Variants in TNR observed in about 807,000 individuals in gnomAD.
The protein encoded by TNR is tenascin-R.
In TNR, 45 loss-of-function variants were observed where a neutral mutation model predicts 150.4. The ratio of observed to expected loss-of-function variants is 0.30; its 90% CI spans 0.24 to 0.38. The LOEUF is 0.38. Among genes scored for constraint, TNR ranks in the 10% least tolerant of loss-of-function variants. TNR has a pLI of 1.00. For missense variants in TNR, 1,544 were observed against 1,759.1 expected, an observed-to-expected ratio of 0.88 and a Z score of 2.19; for synonymous variants, 687 against 678.4, an observed-to-expected ratio of 1.01 and a Z score of -0.20.
chr1:175,699,560 G>A (rs369788525), intron 1 of TNR, among the ~76,000 whole-genome samples: 18 of 152,114 alleles, frequency 1.2e-4, no homozygotes, highest in East Asian at 7.7e-4. Flanking sequence ...GGCTAAGCAG[G>A]CTAAGGAGGG....
At chr1:175,383,672 G>A (rs1350667828) in intron 8 of TNR, among the ~76,000 whole-genome samples, 1 of 152,206 alleles carries the variant, frequency 6.6e-6, no homozygotes, top group Non-Finnish European at 1.5e-5. Context: ...CCTAGTGTCG[G>A]AGCCATCACC....
At chr1:175,625,733 G>C (rs949448512) in intron 1 of TNR, among the ~76,000 whole-genome samples, 1 of 152,218 alleles carries the variant, frequency 6.6e-6, no homozygotes, top group Non-Finnish European at 1.5e-5. Context: ...AGAGCAGACG[G>C]GACTGAGACT....
rs763599924 is a variant in TNR, at chr1:175,403,348, G to A, written c.768C>T (p.Tyr256=). The change falls in exon 4 of 23, where the codon TAC becomes TAT. Residue 256 remains tyrosine (Y), a synonymous_variant. Transcript: ENST00000367674. ...VDGECVCEEP[Y]TGEDCRELRC... is the part of the protein sequence containing the mutation. ...TCAGTTCCCTGCAGTCCTCGCCAGT[G>A]TAGGGCTCTTCACAGACACACTCCC... 9.9e-6 allele frequency: 16 copies of A among 1,614,178 alleles called. No individual in the cohort carries two copies. The South Asian group carries it at 1.6e-4, about 17-fold the overall frequency.
intron 21 of TNR, among the ~76,000 whole-genome samples, chr1:175,325,688 A>G (rs1384145677): frequency 6.6e-6 from 1 of 152,264 alleles, no homozygotes; most frequent in Non-Finnish European, 1.5e-5. Context: ...CTATGCAGCC[A>G]TAAAAAAGAA....
chr1:175,655,593 A>G (rs1665148480), intron 1 of TNR, among the ~76,000 whole-genome samples: 1 of 152,240 alleles, frequency 6.6e-6, no homozygotes, highest in Non-Finnish European at 1.5e-5. Flanking sequence ...TGGTGGTCAC[A>G]GTTCCTCTCG....
chr1:175,664,458 G>T (rs1341029354), intron 1 of TNR, among the ~76,000 whole-genome samples: 4 of 152,308 alleles, frequency 2.6e-5, no homozygotes, highest in African/African-American at 9.6e-5. Context: ...CTGATAGCTG[G>T]TTGAAACCTT....
intron 1 of TNR, among the ~76,000 whole-genome samples, chr1:175,570,994 T>C (rs1050403396): frequency 1.3e-5 from 2 of 152,174 alleles, no homozygotes; most frequent in Non-Finnish European, 2.9e-5. Flanking sequence ...TTGATGTCAT[T>C]TACTGTCTTC....
At chr1:175,591,278 C>A (rs1334655543) in intron 1 of TNR, among the ~76,000 whole-genome samples, 3 of 152,174 alleles carry the variant, frequency 2.0e-5, no homozygotes, top group Admixed American at 6.5e-5. Flanking sequence ...GTCCCTGGGA[C>A]ATAATCCCAA....
At chr1:175,389,556 A>G (rs1445507796) in intron 7 of TNR, among the ~76,000 whole-genome samples, 1 of 152,198 alleles carries the variant, frequency 6.6e-6, no homozygotes, top group Admixed American at 6.5e-5. Flanking sequence ...ACGTTTCTAC[A>G]TGGCTGTCCA....
intron 1 of TNR, among the ~76,000 whole-genome samples, chr1:175,669,299 C>T (rs138266606): frequency 1.2e-4 from 19 of 152,328 alleles, no homozygotes; most frequent in African/African-American, 4.1e-4. Flanking sequence ...CTGGGAAGGC[C>T]GTTGCCAGGC....
chr1:175,632,332 G>T (rs898906382), intron 1 of TNR, among the ~76,000 whole-genome samples: 9 of 152,204 alleles, frequency 5.9e-5, no homozygotes, highest in Admixed American at 5.2e-4. Flanking sequence ...CAACAACGGA[G>T]GACTCTGTAG....
chr1:175,559,957 C>T (rs1661356820), intron 1 of TNR, among the ~76,000 whole-genome samples: 1 of 152,190 alleles, frequency 6.6e-6, no homozygotes, highest in Non-Finnish European at 1.5e-5. Context: ...GAACACTGGT[C>T]CAGGGAAATG....
chr1:175,341,777 G>A (rs1389293651), intron 18 of TNR, among the ~76,000 whole-genome samples: 3 of 152,240 alleles, frequency 2.0e-5, no homozygotes, highest in African/African-American at 4.8e-5. Context: ...CTCTGTAAGC[G>A]CAGAACACAG....
intron 1 of TNR, among the ~76,000 whole-genome samples, chr1:175,567,518 G>A (rs991600615): frequency 2.0e-5 from 3 of 152,180 alleles, no homozygotes; most frequent in Non-Finnish European, 4.4e-5. Context: ...CCAGGGCAAC[G>A]AGGAAATGAT....
At chr1:175,483,690 A>G (rs545720928) in intron 2 of TNR, among the ~76,000 whole-genome samples, 1 of 152,308 alleles carries the variant, frequency 6.6e-6, no homozygotes, top group East Asian at 1.9e-4. Context: ...GTTAGAGATG[A>G]GTTATCAGGA....
chr1:175,544,399 G>A (rs1660610482), intron 1 of TNR, among the ~76,000 whole-genome samples: 1 of 152,174 alleles, frequency 6.6e-6, no homozygotes. Context: ...TCACTGGACG[G>A]GATAGGGGCA....
chr1:175,480,600 G>A (rs985918907), intron 2 of TNR, among the ~76,000 whole-genome samples: 4 of 152,118 alleles, frequency 2.6e-5, no homozygotes, highest in African/African-American at 9.7e-5. Context: ...TATGCCCAGC[G>A]TCGTGCTAAG....
chr1:175,359,573 A>G, intron 15 of TNR, 39 bp downstream of exon 15: 1 of 1,612,452 alleles, frequency 6.2e-7, no homozygotes, highest in Non-Finnish European at 8.5e-7. Flanking sequence ...AATTCCCACC[A>G]TTCCCACCTG....
chr1:175,357,713 T>TAGTA (rs1381492199), intron 15 of TNR, among the ~76,000 whole-genome samples: 1 of 152,216 alleles, frequency 6.6e-6, no homozygotes, highest in Non-Finnish European at 1.5e-5. Flanking sequence ...ACCCTATTCA[T>TAGTA]AGTAGCCCAC....
Sources: allele counts gnomAD v4.1 joint callset (sites outside exome capture counted in the v4.1 genomes callset), GRCh38; gene constraint gnomAD v4.1.1; transcripts MANE v1.5; gene names NCBI Gene and HGNC (gene_info 2026-07-23, HGNC 2026-07-21).